The following GSAP variants were observed in gnomAD, a reference collection of about 807,000 sequenced individuals.
GSAP encodes the protein gamma-secretase activating protein, also known as gamma-secretase-activating protein.
In GSAP, 118 loss-of-function variants were observed where a neutral mutation model predicts 131.7. That is an observed-to-expected ratio of 0.90 (90% confidence interval 0.77 to 1.04). The LOEUF (loss-of-function observed/expected upper bound fraction) is 1.04. Ranked by LOEUF, GSAP falls within the 50% of genes least tolerant of loss-of-function variation. GSAP has a pLI of 0.00. For synonymous variants in GSAP, 381 were observed against 363.4 expected, an observed-to-expected ratio of 1.05 and a Z score of -0.55; for missense variants, 1,019 against 1,013.2, an observed-to-expected ratio of 1.01 and a Z score of -0.08.
chr7:77,399,397 C>A (rs971032846), intron 3 of GSAP, among the ~76,000 whole-genome samples: 1 of 152,158 alleles, frequency 6.6e-6, no homozygotes, highest in African/African-American at 2.4e-5. Context: ...AAAGCCACAG[C>A]AATTCCAACC....
intron 5 of GSAP, among the ~76,000 whole-genome samples, chr7:77,395,607 C>A (rs986991846): frequency 1.8e-4 from 27 of 151,944 alleles, no homozygotes; most frequent in Admixed American, 1.8e-3. Context: ...TAAGGATGAG[C>A]AATACAAATG....
rs1386975874 is a variant in GSAP, at chr7:77,335,904, G to A, written c.1546-5537C>T. 2.0e-5 allele frequency among the ~76,000 whole-genome samples: 3 copies of A among 152,192 alleles called. No homozygotes were observed. The East Asian group carries it at 5.8e-4, about 29-fold the overall frequency. On this transcript the variant is annotated intron_variant, in intron 19 of 30. Coordinates refer to ENST00000257626, the MANE Select transcript of GSAP (RefSeq NM_017439.4). ...TTACTTAACAACCCAGAGAAACACA[G>A]TGACCCACTACCTCTAAGCATTGAC...
intron 1 of GSAP, chr7:77,415,559 G>A (rs542906814): frequency 2.0e-5 from 3 of 152,334 alleles, no homozygotes; most frequent in South Asian, 4.1e-4. Flanking sequence ...CATCTCGCGC[G>A]CAGCCCCAGC....
chr7:77,344,875 G>A, intron 19 of GSAP, among the ~76,000 whole-genome samples: 1 of 151,972 alleles, frequency 6.6e-6, no homozygotes, highest in East Asian at 1.9e-4. Context: ...ACAAACAATT[G>A]CTGGCTTTGC....
intron 8 of GSAP, among the ~76,000 whole-genome samples, chr7:77,380,525 G>T (rs928101091): frequency 1.3e-5 from 2 of 152,086 alleles, no homozygotes; most frequent in Admixed American, 6.6e-5. Flanking sequence ...CCACACCAGG[G>T]TCTATTATCT....
At chr7:77,322,085 C>T (rs998602159) in intron 24 of GSAP, among the ~76,000 whole-genome samples, 1 of 152,160 alleles carries the variant, frequency 6.6e-6, no homozygotes, top group Non-Finnish European at 1.5e-5. Flanking sequence ...TTATCAGCCA[C>T]GAATCCACAC....
intron 5 of GSAP, among the ~76,000 whole-genome samples, chr7:77,395,502 A>G (rs1800221693): frequency 6.6e-6 from 1 of 152,162 alleles, no homozygotes. Flanking sequence ...ACTTAATTCT[A>G]AAAGGAGCAG....
In GSAP at chr7:77,375,115, C is replaced by A; in HGVS notation, c.742-14G>T. The A allele has an allele frequency of 1.3e-6, 2 of 1,534,964 alleles. No individual in the cohort carries two copies. The highest frequency in any genetic ancestry group is 1.8e-6 in the Non-Finnish European group (2 of 1,117,174). On this transcript the variant is annotated splice_polypyrimidine_tract_variant and intron_variant, in intron 10 of 30. Transcript: ENST00000257626. ...GGGTACTTCAAACTGTCAAAAAAAT[C>A]AAAGAAAATGAACCCAAAATGACAG...
chr7:77,398,962 T>G (rs1029150218), intron 3 of GSAP, among the ~76,000 whole-genome samples: 3 of 152,250 alleles, frequency 2.0e-5, no homozygotes, highest in African/African-American at 7.2e-5. Flanking sequence ...CAACATGTTT[T>G]GGAGAGACTT....
chr7:77,387,011 T>A (rs1019070637), intron 6 of GSAP, among the ~76,000 whole-genome samples: 3 of 152,214 alleles, frequency 2.0e-5, no homozygotes, highest in Non-Finnish European at 2.9e-5. Context: ...ACTCATGAAG[T>A]TGATAAATTC....
At chr7:77,376,794 AAGAGAGT>A in intron 10 of GSAP, 47 bp downstream of exon 10, 1 of 684,618 alleles carries the variant, frequency 1.5e-6, no homozygotes, top group Non-Finnish European at 2.3e-6. Flanking sequence ...AAAAAAAAAA[AAGAGAGT>A]AATGTATCAT....
At chr7:77,353,508 A>T in intron 17 of GSAP, 64 bp downstream of exon 17, 1 of 1,016,318 alleles carries the variant, frequency 9.8e-7, no homozygotes, top group Non-Finnish European at 1.5e-6. Flanking sequence ...CTATCAATTT[A>T]CTGCTTTCCC....
chr7:77,342,819 G>T (rs1485763549), intron 19 of GSAP, among the ~76,000 whole-genome samples: 1 of 152,074 alleles, frequency 6.6e-6, no homozygotes, highest in Non-Finnish European at 1.5e-5. Context: ...AGCCTTACAG[G>T]TTAGCTCAGG....
intron 26 of GSAP, among the ~76,000 whole-genome samples, chr7:77,318,680 T>A (rs1460310741): frequency 6.6e-6 from 1 of 152,104 alleles, no homozygotes; most frequent in Non-Finnish European, 1.5e-5. Flanking sequence ...AATGGGACCC[T>A]TATCTTTACC....
rs551694804 is a variant in GSAP, at chr7:77,341,752, G to A, written c.1545+7599C>T. Among the ~76,000 whole-genome samples, 77 of 152,168 alleles carry A rather than the reference G, an allele frequency of 5.1e-4. 1 individual carries two copies. Among genetic ancestry groups the A allele is most frequent in the African/African-American group, 1.8e-3 (74 of 41,514 alleles). On this transcript the variant is annotated intron_variant, in intron 19 of 30. Coordinates refer to ENST00000257626, the MANE Select transcript of GSAP (RefSeq NM_017439.4). ...AATAAAGCTCCAAAAATTAGATTCC[G>A]GCCCTCAAACCCCATAACAGGACTT...
intron 1 of GSAP, 62 bp downstream of exon 1, chr7:77,416,151 C>CGGG (rs1334292041): frequency 4.0e-6 from 4 of 989,176 alleles, no homozygotes; most frequent in African/African-American, 1.7e-5. Flanking sequence ...GGTCGGAGTC[C>CGGG]GGGGGGTATG....
chr7:77,353,101 C>A (rs17806761), intron 17 of GSAP, 75 bp from the exon 18 acceptor site: 1 of 775,030 alleles, frequency 1.3e-6, no homozygotes, highest in Admixed American at 2.0e-5. Context: ...GTAATGCAAC[C>A]AAAACACGCA....
chr7:77,311,956 C>A lies in GSAP; in HGVS notation c.2374-16G>T, dbSNP rs749028683. The A allele has an allele frequency of 1.4e-6, 2 of 1,456,720 alleles. No individual in the cohort carries two copies. The highest frequency in any genetic ancestry group is 1.4e-5 in the African/African-American group (1 of 71,868). The allele number at this position is 1,456,720 out of a possible 1,614,324, so 90.2% of individuals were successfully genotyped here. On this transcript the variant is annotated splice_polypyrimidine_tract_variant and intron_variant, in intron 29 of 30. Transcript: ENST00000257626. The stretch of plus-strand genomic sequence containing the variant: ...AATTCCGAGGCTAAAAGGGAAACCA[C>A]TTCTGGTGTAAGCTGATTCTCCACA...
chr7:77,327,451 T>C (rs1021814852), intron 22 of GSAP: 1 of 152,320 alleles, frequency 6.6e-6, no homozygotes, highest in African/African-American at 2.4e-5. Context: ...AGAGGCTGGT[T>C]CCTCCTGGGC....
Sources: allele counts gnomAD v4.1 joint callset (sites outside exome capture counted in the v4.1 genomes callset), GRCh38; gene constraint gnomAD v4.1.1; transcripts MANE v1.5; gene names NCBI Gene and HGNC (gene_info 2026-07-23, HGNC 2026-07-21).